SLIT2: variants seen among roughly 807,000 people sequenced by gnomAD.
SLIT2 encodes the protein slit homolog 2 protein.
Under a neutral mutation model 185.7 loss-of-function variants are expected in SLIT2, and 41 were observed. The observed-to-expected ratio is 0.22, with a 90% CI of 0.17 to 0.29. The LOEUF is 0.29. Ranked by LOEUF, SLIT2 falls within the 10% of genes least tolerant of loss-of-function variation. SLIT2 has a pLI of 1.00. For synonymous variants in SLIT2, 693 were observed against 680.2 expected (o/e 1.02, Z -0.29); for missense variants, 1,571 against 1,909.0 (o/e 0.82, Z 3.30).
At chr4:20,445,922 G>A (rs560384562) in intron 4 of SLIT2, among the ~76,000 whole-genome samples, 4 of 152,320 alleles carry the variant, frequency 2.6e-5, no homozygotes, top group South Asian at 4.1e-4. Flanking sequence ...CTGGCCCACA[G>A]TGGATGCATA....
chr4:20,319,845 C>A (rs1718910245), intron 4 of SLIT2, among the ~76,000 whole-genome samples: 1 of 151,560 alleles, frequency 6.6e-6, no homozygotes, highest in South Asian at 2.1e-4. Context: ...ATCCCCAAAC[C>A]AAAACACCTT....
chr4:20,510,621 A>C, intron 10 of SLIT2, 55 bp downstream of exon 10: 1 of 1,117,052 alleles, frequency 9.0e-7, no homozygotes, highest in Non-Finnish European at 1.3e-6. Context: ...AGAGGTCATG[A>C]GACCATGCAA....
chr4:20,322,387 G>C (rs930165629), intron 4 of SLIT2, among the ~76,000 whole-genome samples: 7 of 152,084 alleles, frequency 4.6e-5, no homozygotes, highest in Admixed American at 2.6e-4. Flanking sequence ...GTAGAAGAGG[G>C]ACAACTCGAA....
At chr4:20,327,891 T>C (rs1719732827) in intron 4 of SLIT2, among the ~76,000 whole-genome samples, 2 of 152,054 alleles carry the variant, frequency 1.3e-5, no homozygotes, top group African/African-American at 4.8e-5. Flanking sequence ...GTTTGCAAAT[T>C]TGGACTTTTG....
At chr4:20,379,614 A>G (rs1724329345) in intron 4 of SLIT2, among the ~76,000 whole-genome samples, 1 of 152,140 alleles carries the variant, frequency 6.6e-6, no homozygotes, top group Non-Finnish European at 1.5e-5. Context: ...GCCTTTGACT[A>G]TTTTGAGTGG....
At chr4:20,541,121 A>G (rs1296740418) in intron 19 of SLIT2, among the ~76,000 whole-genome samples, 1 of 152,230 alleles carries the variant, frequency 6.6e-6, no homozygotes, top group Non-Finnish European at 1.5e-5. Flanking sequence ...CAGATTTCTG[A>G]CAAGTTTAAA....
At chr4:20,531,579 A>C (rs1721814958) in intron 16 of SLIT2, among the ~76,000 whole-genome samples, 1 of 152,300 alleles carries the variant, frequency 6.6e-6, no homozygotes, top group East Asian at 1.9e-4. Context: ...ATGACTTTTA[A>C]AGGGTAAATG....
chr4:20,493,127 A>T (rs1413962791), intron 9 of SLIT2, among the ~76,000 whole-genome samples: 1 of 152,202 alleles, frequency 6.6e-6, no homozygotes, highest in Non-Finnish European at 1.5e-5. Flanking sequence ...GACAGATGAC[A>T]TTACTGAAAA....
intron 4 of SLIT2, among the ~76,000 whole-genome samples, chr4:20,330,016 T>A (rs549404164): frequency 6.6e-6 from 1 of 152,182 alleles, no homozygotes; most frequent in Admixed American, 6.6e-5. Context: ...CTCTTTTATT[T>A]CCTTTTTCTT....
At chr4:20,600,271 A>G (rs979174766) in intron 33 of SLIT2, among the ~76,000 whole-genome samples, 1 of 152,166 alleles carries the variant, frequency 6.6e-6, no homozygotes, top group Admixed American at 6.5e-5. Context: ...AAATATTTCT[A>G]AATACTTTGT....
intron 4 of SLIT2, among the ~76,000 whole-genome samples, chr4:20,286,248 C>T (rs1715255128): frequency 6.6e-6 from 1 of 152,176 alleles, no homozygotes; most frequent in African/African-American, 2.4e-5. Flanking sequence ...GTTAATTGTG[C>T]ATAGGTGCTT....
chr4:20,472,826 G>A (rs1293811469), intron 5 of SLIT2, among the ~76,000 whole-genome samples: 1 of 150,664 alleles, frequency 6.6e-6, no homozygotes, highest in African/African-American at 2.4e-5. Context: ...AGAATTGTGA[G>A]CTTATTCTTG....
At chr4:20,413,256 A>G (rs988593768) in intron 4 of SLIT2, among the ~76,000 whole-genome samples, 8 of 151,904 alleles carry the variant, frequency 5.3e-5, no homozygotes, top group Admixed American at 5.2e-4. Flanking sequence ...ATGTTGTTGA[A>G]TTTCACATAT....
intron 30 of SLIT2, among the ~76,000 whole-genome samples, chr4:20,591,306 C>A (rs982755696): frequency 3.9e-5 from 6 of 152,146 alleles, no homozygotes; most frequent in African/African-American, 1.4e-4. Context: ...CCGAACAGAT[C>A]ATCAGATATT....
At chr4:20,395,411 G>A (rs973834258) in intron 4 of SLIT2, among the ~76,000 whole-genome samples, 3 of 152,024 alleles carry the variant, frequency 2.0e-5, no homozygotes, top group African/African-American at 7.2e-5. Context: ...GCAGGAACCT[G>A]ATTGAGGGCA....
At chr4:20,426,264 T>G (rs1320926482) in intron 4 of SLIT2, among the ~76,000 whole-genome samples, 1 of 151,924 alleles carries the variant, frequency 6.6e-6, no homozygotes, top group Non-Finnish European at 1.5e-5. Flanking sequence ...GAGCACAGAG[T>G]TGAGTACAAC....
chr4:20,532,282 T>A (rs1429040316), intron 17 of SLIT2, among the ~76,000 whole-genome samples: 2 of 152,150 alleles, frequency 1.3e-5, no homozygotes, highest in African/African-American at 4.8e-5. Context: ...TTACTTTAAC[T>A]CAGACAGCTG....
At chr4:20,272,082 G>A (rs1429964898) in intron 4 of SLIT2, among the ~76,000 whole-genome samples, 1 of 152,052 alleles carries the variant, frequency 6.6e-6, no homozygotes, top group East Asian at 1.9e-4. Context: ...TACAGTTGCA[G>A]CTGTGTTTGT....
intron 4 of SLIT2, among the ~76,000 whole-genome samples, chr4:20,379,235 G>A (rs1724286621): frequency 6.6e-6 from 1 of 152,062 alleles, no homozygotes; most frequent in African/African-American, 2.4e-5. Flanking sequence ...GGATATTGAT[G>A]GCATAAGAAG....
Sources: allele counts gnomAD v4.1 joint callset (sites outside exome capture counted in the v4.1 genomes callset), GRCh38; gene constraint gnomAD v4.1.1; transcripts MANE v1.5; gene names NCBI Gene and HGNC (gene_info 2026-07-23, HGNC 2026-07-21).